The following PPP2R2B variants were observed in gnomAD, a reference collection of about 807,000 sequenced individuals.
The protein encoded by PPP2R2B is serine/threonine-protein phosphatase 2A 55 kDa regulatory subunit B beta isoform.
In PPP2R2B, 5 loss-of-function variants were observed where a neutral mutation model predicts 46.0. The observed-to-expected ratio is 0.11, with a 90% CI of 0.06 to 0.23. The LOEUF is 0.23. PPP2R2B is among the 10% of genes least tolerant of loss of function. The pLI is 1.00. For missense variants in PPP2R2B, 367 were observed against 575.0 expected (o/e 0.64, Z 3.70); for synonymous variants, 215 against 206.7 (o/e 1.04, Z -0.34).
intron 2 of PPP2R2B, among the ~76,000 whole-genome samples, chr5:146,806,418 C>T (rs369016890): frequency 1.3e-5 from 2 of 152,084 alleles, no homozygotes; most frequent in African/African-American, 4.8e-5. Flanking sequence ...TTGTGTATAA[C>T]CTTTAAGGTA....
intron 1 of PPP2R2B, chr5:147,040,805 C>T (rs756468271): frequency 4.7e-6 from 2 of 426,352 alleles, no homozygotes; most frequent in South Asian, 1.7e-5. Flanking sequence ...AGATGAGTTT[C>T]CTTAAAAAAA....
intron 1 of PPP2R2B, among the ~76,000 whole-genome samples, chr5:146,886,860 A>G (rs889142088): frequency 1.4e-4 from 22 of 152,112 alleles, no homozygotes; most frequent in African/African-American, 5.3e-4. Flanking sequence ...TAATGCCATG[A>G]AATACTTTAT....
At chr5:146,846,251 C>A (rs1760000771) in intron 2 of PPP2R2B, among the ~76,000 whole-genome samples, 1 of 151,452 alleles carries the variant, frequency 6.6e-6, no homozygotes, top group African/African-American at 2.4e-5. Context: ...TGGTGGTGTG[C>A]ACCTGTAATC....
At chr5:146,607,498 C>G (rs1772402917) in intron 7 of PPP2R2B, among the ~76,000 whole-genome samples, 1 of 152,194 alleles carries the variant, frequency 6.6e-6, no homozygotes, top group Non-Finnish European at 1.5e-5. Flanking sequence ...GACACTTTAA[C>G]AAGACAAGGC....
chr5:146,971,411 G>A (rs1334625797), intron 1 of PPP2R2B, among the ~76,000 whole-genome samples: 2 of 152,098 alleles, frequency 1.3e-5, no homozygotes, highest in South Asian at 4.1e-4. Context: ...GGGCATCTTG[G>A]CCTTTTTAAA....
rs976662082 is a variant in PPP2R2B at position 146,800,143 on chromosome 5, G to A, written c.70+77859C>T. On this transcript the variant is annotated intron_variant, in intron 2 of 9. Coordinates refer to ENST00000394411, the MANE Select transcript of PPP2R2B (RefSeq NM_181675.4). ...ATAATATGGATTTTTATAGCTCTAG[G>A]TCCATGCATCTTGATAATTGGAAAT... 1.2e-4 allele frequency among the ~76,000 whole-genome samples: 18 copies of A among 151,996 alleles called. 1 individual carries two copies. The highest frequency in any genetic ancestry group is 8.5e-4 in the Admixed American group (13 of 15,262).
rs543560702 is a variant in PPP2R2B, at chr5:146,915,886, C to CT, written c.79+139778dup. 1.1e-3 allele frequency among the ~76,000 whole-genome samples: 166 copies of CT among 152,192 alleles called. 1 individual carries two copies. Among genetic ancestry groups the CT allele is most frequent in the Middle Eastern group, 3.4e-3 (1 of 294 alleles). ...GTTACAACATCTTTGTCTTCTCATC[C>CT]TTTTTTGCAATGAAACTCTTTTAAG... On this transcript the variant is annotated intron_variant, in intron 1 of 8. Coordinates refer to the PPP2R2B transcript ENST00000336640.
intron 2 of PPP2R2B, among the ~76,000 whole-genome samples, chr5:146,827,148 C>T (rs1241980748): frequency 5.9e-5 from 9 of 152,104 alleles, no homozygotes; most frequent in Non-Finnish European, 1.2e-4. Flanking sequence ...ATCATAGGGG[C>T]TTATGTGCAT....
At chr5:146,719,341 A>C (rs1780661565) in intron 2 of PPP2R2B, among the ~76,000 whole-genome samples, 1 of 152,254 alleles carries the variant, frequency 6.6e-6, no homozygotes, top group South Asian at 2.1e-4. Context: ...TATTTTACCT[A>C]GAAGTAACAT....
chr5:146,923,719 G>A (rs567916539), intron 1 of PPP2R2B, among the ~76,000 whole-genome samples: 2 of 152,180 alleles, frequency 1.3e-5, no homozygotes, highest in South Asian at 4.2e-4. Context: ...CCATTACTGG[G>A]TATATACCCA....
intron 2 of PPP2R2B, among the ~76,000 whole-genome samples, chr5:146,781,057 C>T (rs1337520945): frequency 7.0e-6 from 1 of 142,484 alleles, no homozygotes; most frequent in Admixed American, 7.4e-5. Flanking sequence ...ATTGACAGAG[C>T]ATTTATTATT....
intron 1 of PPP2R2B, among the ~76,000 whole-genome samples, chr5:147,008,544 C>T (rs1006846798): frequency 1.3e-5 from 2 of 152,112 alleles, no homozygotes; most frequent in Admixed American, 6.5e-5. Flanking sequence ...GAACCTACTC[C>T]CTTCTGCATA....
At chr5:146,787,233 G>A (rs1323453376) in intron 2 of PPP2R2B, among the ~76,000 whole-genome samples, 1 of 152,116 alleles carries the variant, frequency 6.6e-6, no homozygotes, top group Non-Finnish European at 1.5e-5. Flanking sequence ...GGGAAATATG[G>A]CAACCTGGAA....
chr5:146,667,579 A>AG (rs1384386972), intron 5 of PPP2R2B, among the ~76,000 whole-genome samples: 2 of 152,064 alleles, frequency 1.3e-5, no homozygotes, highest in African/African-American at 4.8e-5. Flanking sequence ...TTACTTAAAA[A>AG]AAAAACCCAA....
chr5:146,702,181 A>G (rs1349921350), intron 2 of PPP2R2B, among the ~76,000 whole-genome samples: 3 of 152,154 alleles, frequency 2.0e-5, no homozygotes, highest in Non-Finnish European at 4.4e-5. Context: ...TAAGGCAATT[A>G]CCCCTGAGTA....
At chr5:146,616,400 C>T (rs1773173126) in intron 7 of PPP2R2B, among the ~76,000 whole-genome samples, 1 of 152,086 alleles carries the variant, frequency 6.6e-6, no homozygotes, top group South Asian at 2.1e-4. Flanking sequence ...CAAGTTAAAA[C>T]ATTTCTGCAC....
intron 1 of PPP2R2B, among the ~76,000 whole-genome samples, chr5:146,909,350 C>A (rs527831907): frequency 2.6e-5 from 4 of 152,174 alleles, no homozygotes; most frequent in East Asian, 1.9e-4. Flanking sequence ...TTTATTCCAA[C>A]CCCAATACAC....
intron 5 of PPP2R2B, among the ~76,000 whole-genome samples, chr5:146,669,708 T>C (rs1362024323): frequency 6.6e-6 from 1 of 152,126 alleles, no homozygotes; most frequent in East Asian, 1.9e-4. Context: ...TCCTTTAAGC[T>C]TCACAAAAAT....
intron 2 of PPP2R2B, among the ~76,000 whole-genome samples, chr5:146,833,340 T>G (rs1158672728): frequency 6.6e-6 from 1 of 152,134 alleles, no homozygotes; most frequent in Non-Finnish European, 1.5e-5. Context: ...ATGGAAGGTT[T>G]ACTAATAATT....
Sources: allele counts gnomAD v4.1 joint callset (sites outside exome capture counted in the v4.1 genomes callset), GRCh38; gene constraint gnomAD v4.1.1; transcripts MANE v1.5; gene names NCBI Gene and HGNC (gene_info 2026-07-23, HGNC 2026-07-21).